The following JARID2 variants were observed in gnomAD, a reference collection of about 807,000 sequenced individuals.
The protein encoded by JARID2 is jumonji and AT-rich interaction domain containing 2.
A neutral mutation model predicts 125.6 loss-of-function variants in JARID2; 21 were observed. That is an observed-to-expected ratio of 0.17 (90% CI 0.12 to 0.24). JARID2 has a LOEUF of 0.24. Ranked by LOEUF, JARID2 falls within the 10% of genes least tolerant of loss-of-function variation. The probability of loss-of-function intolerance (pLI) is 1.00; values close to 1 mark genes in which losing one functional copy is unlikely to be tolerated. For missense variants in JARID2, 1,303 were observed against 1,639.6 expected, an observed-to-expected ratio of 0.79 and a Z score of 3.55; for synonymous variants, 736 against 661.6, an observed-to-expected ratio of 1.11 and a Z score of -1.73.
chr6:15,474,619 A>G (rs1769253024), intron 5 of JARID2, among the ~76,000 whole-genome samples: 1 of 152,190 alleles, frequency 6.6e-6, no homozygotes, highest in Non-Finnish European at 1.5e-5. Context: ...ATCCCAGCAT[A>G]AGGAAACAAT....
intron 1 of JARID2, among the ~76,000 whole-genome samples, chr6:15,361,893 T>C (rs73726562): frequency 0.062 from 4,623 of 74,712 alleles, 220 homozygotes; most frequent in African/African-American, 0.22. Flanking sequence ...GGGAGCCCCC[T>C]TTTTTTTTTT....
chr6:15,276,222 T>G (rs1168980272), intron 1 of JARID2, among the ~76,000 whole-genome samples: 2 of 152,150 alleles, frequency 1.3e-5, no homozygotes, highest in African/African-American at 2.4e-5. Context: ...TGTTAGTGCC[T>G]CTCCTCCCCT....
At chr6:15,412,230 G>A (rs1350651089) in intron 3 of JARID2, among the ~76,000 whole-genome samples, 1 of 152,122 alleles carries the variant, frequency 6.6e-6, no homozygotes, top group Non-Finnish European at 1.5e-5. Flanking sequence ...TTTTGGGGAT[G>A]GGCTGGGGCA....
intron 7 of JARID2, among the ~76,000 whole-genome samples, chr6:15,499,641 G>T (rs1341027993): frequency 6.6e-6 from 1 of 152,142 alleles, no homozygotes; most frequent in Non-Finnish European, 1.5e-5. Context: ...GCCACCGTGA[G>T]TCCCACCTGT....
chr6:15,450,937 TGGATC>T (rs1024727328), intron 3 of JARID2, among the ~76,000 whole-genome samples: 1 of 152,014 alleles, frequency 6.6e-6, no homozygotes, highest in African/African-American at 2.4e-5. Flanking sequence ...CTAAGGCGGG[TGGATC>T]ACCTGAGGTC....
intron 1 of JARID2, among the ~76,000 whole-genome samples, chr6:15,347,836 G>C (rs1763292933): frequency 6.6e-6 from 1 of 152,132 alleles, no homozygotes; most frequent in Non-Finnish European, 1.5e-5. Flanking sequence ...CTCAAGTAGA[G>C]GCTCACAATA....
intron 1 of JARID2, among the ~76,000 whole-genome samples, chr6:15,305,343 G>A (rs1055718979): frequency 6.6e-6 from 1 of 152,146 alleles, no homozygotes; most frequent in Non-Finnish European, 1.5e-5. Context: ...GGAGAAAAGG[G>A]TGCAGGGAGG....
intron 1 of JARID2, chr6:15,369,325 T>G: frequency 2.1e-6 from 1 of 473,296 alleles, no homozygotes; most frequent in South Asian, 1.5e-5. Flanking sequence ...AAAAAAATTA[T>G]GACCATATAC....
chr6:15,434,914 T>C (rs1431708872), intron 3 of JARID2, among the ~76,000 whole-genome samples: 1 of 152,228 alleles, frequency 6.6e-6, no homozygotes, highest in Non-Finnish European at 1.5e-5. Context: ...AATGGTTTGT[T>C]ACTGCCAAGT....
chr6:15,426,394 G>A (rs1766728325), intron 3 of JARID2, among the ~76,000 whole-genome samples: 1 of 152,178 alleles, frequency 6.6e-6, no homozygotes, highest in Non-Finnish European at 1.5e-5. Context: ...AAGATGGTTA[G>A]TTGATATTCA....
intron 1 of JARID2, among the ~76,000 whole-genome samples, chr6:15,282,718 C>T (rs1760803783): frequency 6.6e-6 from 1 of 152,124 alleles, no homozygotes; most frequent in Non-Finnish European, 1.5e-5. Context: ...TCTCCTGCCT[C>T]AGCCTCCCAA....
chr6:15,287,852 T>C (rs1761061404), intron 1 of JARID2, among the ~76,000 whole-genome samples: 1 of 152,200 alleles, frequency 6.6e-6, no homozygotes, highest in African/African-American at 2.4e-5. Context: ...ATGAAAAGCA[T>C]TGTATAATAC....
At chr6:15,252,729 G>T (rs937309195) in intron 1 of JARID2, among the ~76,000 whole-genome samples, 1 of 151,192 alleles carries the variant, frequency 6.6e-6, no homozygotes, top group Non-Finnish European at 1.5e-5. Context: ...AAATGAATCT[G>T]TTTTTTCATG....
rs1762070195 is a variant in JARID2 at position 15,313,120 on chromosome 6, T to C, written c.46-60997T>C. Among the ~76,000 whole-genome samples the C allele has an allele frequency of 2.0e-5, 3 of 152,174 alleles. No individual in the cohort carries two copies. In the South Asian group the frequency reaches 6.2e-4, roughly 31 times the overall value. ...ATTCAGTGCTGTTAATGGATTGCCG[T>C]CGGAGCTTTTTTTACATTACACCTG... is the stretch of plus-strand genomic sequence containing the variant. On this transcript the variant is annotated intron_variant, in intron 1 of 17. Transcript: ENST00000341776.
intron 1 of JARID2, among the ~76,000 whole-genome samples, chr6:15,350,733 T>G (rs1763395185): frequency 6.9e-6 from 1 of 143,984 alleles, no homozygotes. Context: ...GTTTAAGGTT[T>G]TTTTTTTTTT....
At chr6:15,416,984 G>A (rs1766258413) in intron 3 of JARID2, among the ~76,000 whole-genome samples, 1 of 152,178 alleles carries the variant, frequency 6.6e-6, no homozygotes, top group African/African-American at 2.4e-5. Flanking sequence ...TTATGGAGGT[G>A]AGGATTATTT....
intron 8 of JARID2, among the ~76,000 whole-genome samples, chr6:15,501,852 A>C (rs2237112): frequency 0.65 from 98,214 of 151,982 alleles, 31,972 homozygotes; most frequent in East Asian, 0.81. Context: ...GGGATAAGTA[A>C]CTGGGCTGCA....
intron 7 of JARID2, among the ~76,000 whole-genome samples, chr6:15,498,358 C>T (rs889281662): frequency 6.6e-6 from 1 of 152,214 alleles, no homozygotes; most frequent in African/African-American, 2.4e-5. Context: ...CAGACCCTTG[C>T]TCCTCAGGGT....
Position 15,306,328 on chromosome 6 carries a change from C to CTTT in JARID2, c.45+59765_45+59767dup, listed in dbSNP as rs398000594. Among the ~76,000 whole-genome samples, 407 of 99,224 alleles carry CTTT rather than the reference C, an allele frequency of 4.1e-3. 5 individuals are homozygous for CTTT. Among genetic ancestry groups the CTTT allele is most frequent in the East Asian group, 0.018 (53 of 2,946 alleles). The allele number at this position is 99,224 out of a possible 152,430, so 65.1% of individuals were successfully genotyped here. On this transcript the variant is annotated intron_variant, in intron 1 of 17. Coordinates refer to ENST00000341776, the MANE Select transcript of JARID2 (RefSeq NM_004973.4). ...TCTCATTAACAACATAGTCATATTT[C>CTTT]TTTTTTTTTTTTTTTTTTTTTTTGA...
Sources: gnomAD v4.1 joint callset for allele counts (sites outside exome capture counted in the v4.1 genomes callset) on GRCh38, gnomAD v4.1.1 for gene constraint, MANE v1.5 for transcripts, NCBI Gene and HGNC (gene_info 2026-07-23, HGNC 2026-07-21) for gene names.